Variants in KCTD8 observed in about 807,000 individuals in gnomAD.
The protein encoded by KCTD8 is BTB/POZ domain-containing protein KCTD8.
A neutral mutation model predicts 31.5 loss-of-function variants in KCTD8; 27 were observed. The ratio of observed to expected loss-of-function variants is 0.86; its 90% confidence interval spans 0.63 to 1.18. KCTD8 has a LOEUF of 1.18. KCTD8 is among the 50% of genes most tolerant of loss of function. The probability of loss-of-function intolerance (pLI) is 0.00; values close to 1 mark genes in which losing one functional copy is unlikely to be tolerated. For missense variants in KCTD8, 658 were observed against 647.7 expected (o/e 1.02, Z -0.17); for synonymous variants, 290 against 280.0 (o/e 1.04, Z -0.36).
At chr4:44,433,306 T>C (rs1319493678) in intron 1 of KCTD8, among the ~76,000 whole-genome samples, 1 of 151,756 alleles carries the variant, frequency 6.6e-6, no homozygotes, top group African/African-American at 2.4e-5. Context: ...TAGGAGCAGA[T>C]GATCTAATCA....
intron 1 of KCTD8, among the ~76,000 whole-genome samples, chr4:44,398,886 T>C (rs1248200929): frequency 6.6e-6 from 1 of 152,130 alleles, no homozygotes; most frequent in Non-Finnish European, 1.5e-5. Context: ...AGAAGACAAG[T>C]GTGAGTTGAA....
At chr4:44,177,282 A>ACCCTAACCCC (rs1713246106) in intron 1 of KCTD8, among the ~76,000 whole-genome samples, 1 of 151,778 alleles carries the variant, frequency 6.6e-6, no homozygotes, top group African/African-American at 2.4e-5. Context: ...CCCTAACCCC[A>ACCCTAACCCC]CCCCACCCCC....
intron 1 of KCTD8, among the ~76,000 whole-genome samples, chr4:44,305,978 G>A (rs1717790827): frequency 6.6e-6 from 1 of 151,430 alleles, no homozygotes; most frequent in Admixed American, 6.6e-5. Context: ...TTACTAGATA[G>A]AATTAATGAA....
chr4:44,328,969 G>A (rs1248530583), intron 1 of KCTD8, among the ~76,000 whole-genome samples: 2 of 151,766 alleles, frequency 1.3e-5, no homozygotes, highest in Non-Finnish European at 2.9e-5. Context: ...TACTCTCCCA[G>A]GGCTTTTGTT....
chr4:44,395,935 G>A (rs1162870505), intron 1 of KCTD8, among the ~76,000 whole-genome samples: 1 of 151,992 alleles, frequency 6.6e-6, no homozygotes, highest in Non-Finnish European at 1.5e-5. Context: ...GATGGTTTGA[G>A]GATGATTCAA....
At chr4:44,246,827 T>G (rs936088701) in intron 1 of KCTD8, among the ~76,000 whole-genome samples, 3 of 152,060 alleles carry the variant, frequency 2.0e-5, no homozygotes, top group Non-Finnish European at 2.9e-5. Context: ...CCTGTGACCT[T>G]TGAGATGTAG....
rs539627625 is a variant in KCTD8, at chr4:44,234,092, G to A, written c.962-58842C>T. On this transcript the variant is annotated intron_variant, in intron 1 of 1. Coordinates refer to ENST00000360029, the MANE Select transcript of KCTD8 (RefSeq NM_198353.3). ...TCAGACACTGTTTTAAGCCTCTTGC[G>A]TGTAATACTTATTTAATTTTCAAAA... is the stretch of plus-strand genomic sequence containing the variant. Among the ~76,000 whole-genome samples the A allele has an allele frequency of 4.2e-4, 60 of 143,374 alleles. 1 individual carries two copies. In the Middle Eastern group the frequency reaches 0.015, roughly 35 times the overall value. 94.1% of individuals were successfully genotyped at this position (143,374 alleles called of 152,430 possible).
chr4:44,330,280 T>C lies in KCTD8; in HGVS notation c.961+117283A>G, dbSNP rs1367182407. On this transcript the variant is annotated intron_variant, in intron 1 of 1. Coordinates refer to ENST00000360029, the MANE Select transcript of KCTD8 (RefSeq NM_198353.3). ...GCACTTAATGAAAATTATACCTGCA[T>C]TGACTATTAGCTTGAAACCTCAGAA... 3.9e-5 allele frequency among the ~76,000 whole-genome samples: 6 copies of C among 152,044 alleles called. No individual in the cohort carries two copies. In the South Asian group the frequency reaches 6.2e-4, roughly 16 times the overall value.
chr4:44,219,109 G>T (rs1424073967), intron 1 of KCTD8, among the ~76,000 whole-genome samples: 1 of 151,814 alleles, frequency 6.6e-6, no homozygotes, highest in African/African-American at 2.4e-5. Context: ...ATCCTTGGTG[G>T]GTATTATACA....
chr4:44,276,224 A>T (rs1716746346), intron 1 of KCTD8, among the ~76,000 whole-genome samples: 1 of 152,014 alleles, frequency 6.6e-6, no homozygotes, highest in South Asian at 2.1e-4. Flanking sequence ...CCATAATAAG[A>T]TACTCCTCCC....
chr4:44,334,304 C>A (rs1718662032), intron 1 of KCTD8, among the ~76,000 whole-genome samples: 1 of 152,020 alleles, frequency 6.6e-6, no homozygotes. Flanking sequence ...ATAAGGTAAC[C>A]AAGAAACCTT....
intron 1 of KCTD8, among the ~76,000 whole-genome samples, chr4:44,208,234 G>A (rs1232685044): frequency 1.3e-5 from 2 of 152,100 alleles, no homozygotes; most frequent in Non-Finnish European, 2.9e-5. Flanking sequence ...TGTGTTTAAC[G>A]AAAGGCACCA....
chr4:44,428,355 T>G (rs560625479), intron 1 of KCTD8, among the ~76,000 whole-genome samples: 1 of 151,868 alleles, frequency 6.6e-6, no homozygotes, highest in Admixed American at 6.6e-5. Flanking sequence ...AATTTCATTT[T>G]GACCACTAAT....
At chr4:44,212,712 TA>T (rs1271145558) in intron 1 of KCTD8, among the ~76,000 whole-genome samples, 2 of 152,192 alleles carry the variant, frequency 1.3e-5, no homozygotes, top group African/African-American at 2.4e-5. Context: ...ACTCAAAATT[TA>T]TGTTTCCTTA....
intron 1 of KCTD8, among the ~76,000 whole-genome samples, chr4:44,377,980 T>C (rs1244997720): frequency 6.6e-6 from 1 of 152,044 alleles, no homozygotes; most frequent in Non-Finnish European, 1.5e-5. Flanking sequence ...CACAGATATT[T>C]GCTTTCCTCC....
At chr4:44,280,163 T>C (rs995064576) in intron 1 of KCTD8, among the ~76,000 whole-genome samples, 2 of 151,936 alleles carry the variant, frequency 1.3e-5, no homozygotes, top group Non-Finnish European at 2.9e-5. Flanking sequence ...TTCGAAGAAC[T>C]AAGAAATTAC....
chr4:44,302,781 A>T (rs1717668233), intron 1 of KCTD8, among the ~76,000 whole-genome samples: 1 of 151,912 alleles, frequency 6.6e-6, no homozygotes, highest in Non-Finnish European at 1.5e-5. Flanking sequence ...GAGAGAGGGC[A>T]TCCCTGTCTT....
intron 1 of KCTD8, among the ~76,000 whole-genome samples, chr4:44,188,044 C>A: frequency 6.6e-6 from 1 of 151,726 alleles, no homozygotes; most frequent in East Asian, 1.9e-4. Context: ...TCTTGTGTTG[C>A]AGGAGCAGCA....
chr4:44,287,344 A>C (rs1203243068), intron 1 of KCTD8, among the ~76,000 whole-genome samples: 1 of 152,216 alleles, frequency 6.6e-6, no homozygotes, highest in Non-Finnish European at 1.5e-5. Context: ...AAAATGAATT[A>C]TTTAAGCATA....
Sources: gnomAD v4.1 joint callset for allele counts (sites outside exome capture counted in the v4.1 genomes callset) on GRCh38, gnomAD v4.1.1 for gene constraint, MANE v1.5 for transcripts, NCBI Gene and HGNC (gene_info 2026-07-23, HGNC 2026-07-21) for gene names.